Variants in SPATA18 observed in about 807,000 individuals in gnomAD.
The protein encoded by SPATA18 is mitochondria-eating protein.
A neutral mutation model predicts 68.1 loss-of-function variants in SPATA18; 54 were observed. The observed-to-expected ratio is 0.79, with a 90% CI of 0.64 to 0.99. The LOEUF (loss-of-function observed/expected upper bound fraction) is 0.99. SPATA18 is among the 50% of genes least tolerant of loss of function. SPATA18 has a pLI of 0.00. For missense variants in SPATA18, 724 were observed against 681.1 expected (o/e 1.06, Z -0.70); for synonymous variants, 242 against 244.8 (o/e 0.99, Z 0.11).
At chr4:52,074,912 T>A (rs1040901091) in intron 6 of SPATA18, among the ~76,000 whole-genome samples, 1 of 152,136 alleles carries the variant, frequency 6.6e-6, no homozygotes, top group Non-Finnish European at 1.5e-5. Context: ...CCAAGGCTCA[T>A]CCATAGAAAA....
chr4:52,060,894 G>T lies in SPATA18; in HGVS notation c.306G>T (p.Leu102=). 2.5e-6 allele frequency: 4 copies of T among 1,612,726 alleles called. No homozygotes were observed. The highest frequency in any genetic ancestry group is 3.4e-6 in the Non-Finnish European group (4 of 1,178,848). Residue 102 remains leucine, a synonymous_variant, in exon 3 of 13, where the codon CTG becomes CTT. Coordinates refer to ENST00000295213, the MANE Select transcript of SPATA18 (RefSeq NM_145263.4). ...GKSVDSKVPS[L]QDTFDRERHK... is the part of the protein sequence containing the mutation. Reference sequence around the variant, plus strand: ...CTGTTGACAGCAAGGTCCCCTCTCTGCAGGTAGGGATGCTGAAGGATAACC... The same window carrying T: ...CTGTTGACAGCAAGGTCCCCTCTCTTCAGGTAGGGATGCTGAAGGATAACC...
In SPATA18 at chr4:52,096,773, A is replaced by ACC. The variant is rs1491117037; in HGVS notation, c.*1886_*1887insCC. On this transcript the variant is annotated 3_prime_UTR_variant, in exon 13 of 13. Transcript: ENST00000295213. The stretch of plus-strand genomic sequence containing the variant: ...TTAATGTTTTAAACAAAAAAAAAAA[A>ACC]ACCTTACAGTCTTGCCCTGATTTAC... 6.6e-6 allele frequency: 1 copy of ACC among 151,668 alleles called. No homozygotes were observed. The highest frequency in any genetic ancestry group is 2.4e-5 in the African/African-American group (1 of 41,318). 9.4% of individuals were successfully genotyped at this position (151,668 alleles called of 1,614,324 possible).
At chr4:52,073,320 C>A (rs779065498) in intron 6 of SPATA18, among the ~76,000 whole-genome samples, 10 of 152,186 alleles carry the variant, frequency 6.6e-5, no homozygotes, top group Non-Finnish European at 1.2e-4. Flanking sequence ...TTCTGTAAAA[C>A]CTCCCTTTAT....
rs191257125 is a variant in SPATA18, at chr4:52,080,009, G to A, written c.1355+90G>A. ...AAAACAATTTAAGGAAAAGAACTCT[G>A]GGTGGAGAAATTAACAGACACTACC... On this transcript the variant is annotated intron_variant, in intron 9 of 12. Coordinates refer to ENST00000295213, the MANE Select transcript of SPATA18 (RefSeq NM_145263.4). 1.7e-3 allele frequency: 2,406 copies of A among 1,400,608 alleles called. 37 individuals carry two copies. The East Asian group carries it at 0.036, about 21-fold the overall frequency. 86.8% of individuals were successfully genotyped at this position (1,400,608 alleles called of 1,614,324 possible).
In SPATA18 at chr4:52,071,949, G is replaced by T. The variant is rs142158631; in HGVS notation, c.551G>T (p.Arg184Leu). 4 of 1,613,560 alleles carry T rather than the reference G, an allele frequency of 2.5e-6. No individual in the cohort carries two copies. The East Asian group carries it at 8.9e-5, about 36-fold the overall frequency. ...TCTCTTCAAGCTCAGGAGGATGCCC[G>T]CCACAGAAACACAGATCAGAGGAGC... ...LKSLQAQEDA[R>L]HRNTDQRSSE... Residue 184 changes from arginine (R) to leucine (L), a missense_variant, in exon 6 of 13, where the codon CGC becomes CTC. By Grantham distance (102) the Arg-to-Leu change is moderately radical. Transcript: ENST00000295213.
At chr4:52,082,717 C>G (rs540568927) in intron 10 of SPATA18, 1 of 1,406,212 alleles carries the variant, frequency 7.1e-7, no homozygotes, top group South Asian at 1.5e-5. Flanking sequence ...GCAGTAATTT[C>G]TTTACTTCTT....
chr4:52,080,331 G>A (rs151127297), intron 9 of SPATA18, among the ~76,000 whole-genome samples: 3 of 152,222 alleles, frequency 2.0e-5, no homozygotes, highest in African/African-American at 7.2e-5. Flanking sequence ...GACATTTTAT[G>A]CAGTAAGTCT....
Position 52,088,866 on chromosome 4 carries a change from CCT to C in SPATA18, c.1563+3870_1563+3871del, listed in dbSNP as rs1741685524. On this transcript the variant is annotated intron_variant, in intron 11 of 12. Coordinates refer to ENST00000295213, the MANE Select transcript of SPATA18 (RefSeq NM_145263.4). ...AGTTTCAGAACGAATGGTACCATTT[CCT>C]CTTTGTACCTCTGGTAGAATTCAGC... Among the ~76,000 whole-genome samples, 3 of 152,236 alleles carry C rather than the reference CCT, an allele frequency of 2.0e-5. No individual in the cohort carries two copies. The South Asian group carries it at 6.2e-4, about 32-fold the overall frequency.
At chr4:52,076,678 T>C in intron 6 of SPATA18, 101 bp from the exon 7 acceptor site, 14 of 1,505,782 alleles carry the variant, frequency 9.3e-6, no homozygotes, top group Non-Finnish European at 1.3e-5. Context: ...GATAAGGAGT[T>C]TTGCCTCCGG....
intron 11 of SPATA18, among the ~76,000 whole-genome samples, chr4:52,086,997 T>C (rs1367549535): frequency 2.6e-5 from 4 of 152,240 alleles, no homozygotes; most frequent in Non-Finnish European, 2.9e-5. Flanking sequence ...GGTTTTGATG[T>C]GCATTTCTCT....
intron 11 of SPATA18, among the ~76,000 whole-genome samples, chr4:52,094,280 G>A (rs566033661): frequency 2.0e-4 from 31 of 152,244 alleles, no homozygotes; most frequent in African/African-American, 6.7e-4. Flanking sequence ...TTTCTGGAAA[G>A]CACTGAATTC....
chr4:52,077,594 T>C (rs28755779), intron 7 of SPATA18, among the ~76,000 whole-genome samples: 1 of 152,158 alleles, frequency 6.6e-6, no homozygotes, highest in Non-Finnish European at 1.5e-5. Context: ...CTATCTCAAA[T>C]GGGTTTATAC....
intron 5 of SPATA18, among the ~76,000 whole-genome samples, chr4:52,071,515 A>G (rs1318636434): frequency 6.6e-6 from 1 of 152,232 alleles, no homozygotes; most frequent in East Asian, 1.9e-4. Context: ...GACTATTCAG[A>G]GAATCAAAGA....
At chr4:52,091,705 G>C (rs1359188602) in intron 11 of SPATA18, among the ~76,000 whole-genome samples, 1 of 152,174 alleles carries the variant, frequency 6.6e-6, no homozygotes, top group Non-Finnish European at 1.5e-5. Context: ...TGAGGTGTCT[G>C]TTGGCCCCAG....
intron 1 of SPATA18, among the ~76,000 whole-genome samples, chr4:52,059,674 A>G (rs1470401077): frequency 2.6e-5 from 4 of 152,314 alleles, no homozygotes; most frequent in African/African-American, 9.6e-5. Context: ...TGTAGGTAAG[A>G]CTTATTATTC....
Position 52,096,787 on chromosome 4 carries a change from G to T in SPATA18, c.*1900G>T, listed in dbSNP as rs979597398. ...AAAAAAAAAAAAACCTTACAGTCTT[G>T]CCCTGATTTACACAGCAGTCACATT... On this transcript the variant is annotated 3_prime_UTR_variant, in exon 13 of 13. Coordinates refer to ENST00000295213, the MANE Select transcript of SPATA18 (RefSeq NM_145263.4). 5 of 151,260 alleles carry T rather than the reference G, an allele frequency of 3.3e-5. No homozygotes were observed. The highest frequency in any genetic ancestry group is 5.9e-5 in the Non-Finnish European group (4 of 67,866). 9.4% of individuals were successfully genotyped at this position (151,260 alleles called of 1,614,324 possible).
chr4:52,071,776 G>C (rs918104033), intron 5 of SPATA18, 141 bp from the exon 6 acceptor site: 13 of 823,110 alleles, frequency 1.6e-5, no homozygotes, highest in Admixed American at 2.9e-5. Context: ...ATTTCCATCA[G>C]AGTTTCCCAA....
chr4:52,070,585 A>G (rs1488325197), intron 5 of SPATA18, among the ~76,000 whole-genome samples: 2 of 151,988 alleles, frequency 1.3e-5, no homozygotes, highest in Non-Finnish European at 2.9e-5. Flanking sequence ...CCTAATGCTA[A>G]ATGACGAGTT....
At chr4:52,068,671 T>C (rs981806700) in intron 4 of SPATA18, among the ~76,000 whole-genome samples, 1 of 152,242 alleles carries the variant, frequency 6.6e-6, no homozygotes, top group Non-Finnish European at 1.5e-5. Flanking sequence ...TGCCTTCCAC[T>C]GTTCTACCAT....
Sources: allele counts gnomAD v4.1 joint callset (sites outside exome capture counted in the v4.1 genomes callset), GRCh38; gene constraint gnomAD v4.1.1; transcripts MANE v1.5; gene names NCBI Gene and HGNC (gene_info 2026-07-23, HGNC 2026-07-21).